The following CACNA1A variants were observed in gnomAD, a reference collection of about 807,000 sequenced individuals.
The protein encoded by CACNA1A is voltage-dependent P/Q-type calcium channel subunit alpha-1A.
CACNA1A carries 57 observed loss-of-function variants against 262.4 expected under a neutral mutation model. The observed-to-expected ratio is 0.22, with a 90% confidence interval of 0.18 to 0.27. CACNA1A has a LOEUF of 0.27. Among genes scored for constraint, CACNA1A ranks in the 10% least tolerant of loss-of-function variants. CACNA1A has a pLI of 1.00. For missense variants in CACNA1A, 2,526 were observed against 3,562.8 expected, an observed-to-expected ratio of 0.71 and a Z score of 7.41; for synonymous variants, 1,431 against 1,419.3, an observed-to-expected ratio of 1.01 and a Z score of -0.18.
intron 5 of CACNA1A, among the ~76,000 whole-genome samples, chr19:13,361,071 C>G (rs981742777): frequency 6.6e-6 from 1 of 152,084 alleles, no homozygotes; most frequent in African/African-American, 2.4e-5. Context: ...TTGTCAAGCG[C>G]ATTGTGTTAT....
chr19:13,378,385 A>G (rs958561380), intron 3 of CACNA1A, among the ~76,000 whole-genome samples: 3 of 152,230 alleles, frequency 2.0e-5, no homozygotes, highest in Admixed American at 6.6e-5. Context: ...AACTGACTCC[A>G]ATTTTGAAAA....
At chr19:13,297,406 T>C (rs1360402139) in intron 19 of CACNA1A, among the ~76,000 whole-genome samples, 1 of 152,192 alleles carries the variant, frequency 6.6e-6, no homozygotes, top group Non-Finnish European at 1.5e-5. Flanking sequence ...TTTCCCCATC[T>C]GTGAAGCCTC....
chr19:13,344,736 T>TTTATTTTATTTA (rs398071148), intron 6 of CACNA1A, among the ~76,000 whole-genome samples: 142 of 136,300 alleles, frequency 1.0e-3, no homozygotes, highest in African/African-American at 2.4e-3. Flanking sequence ...GGATCATTTA[T>TTTATTTTATTTA]TTTATTTATT....
intron 3 of CACNA1A, among the ~76,000 whole-genome samples, chr19:13,430,669 T>C (rs1455148066): frequency 6.6e-6 from 1 of 152,158 alleles, no homozygotes; most frequent in East Asian, 1.9e-4. Flanking sequence ...TTCTAGGCTC[T>C]GGGGGAATAG....
chr19:13,250,011 ATTCAC>A (rs1347313585), intron 30 of CACNA1A, among the ~76,000 whole-genome samples: 1 of 151,632 alleles, frequency 6.6e-6, no homozygotes, highest in African/African-American at 2.4e-5. Context: ...ACCTTCAAGA[ATTCAC>A]TTCACTTCAA....
rs148614583 is a variant in CACNA1A at position 13,225,324 on chromosome 19, C to T, written c.5626-552G>A. The T allele has an allele frequency of 6.2e-3, 968 of 155,530 alleles. 13 individuals carry two copies. Among genetic ancestry groups the T allele is most frequent in the African/African-American group, 0.022 (913 of 41,622 alleles). 9.6% of individuals were successfully genotyped at this position (155,530 alleles called of 1,614,324 possible). On this transcript the variant is annotated intron_variant, in intron 37 of 46. Coordinates refer to ENST00000360228, the MANE Select transcript of CACNA1A (RefSeq NM_001127222.2). The stretch of plus-strand genomic sequence containing the variant: ...CCCCCCACTGACGGGGCAGGCCCCT[C>T]GCAGGCATGCAGCGAGGCTGTGACA...
chr19:13,483,523 C>A (rs751206418), intron 1 of CACNA1A, among the ~76,000 whole-genome samples: 17 of 152,122 alleles, frequency 1.1e-4, no homozygotes, highest in Admixed American at 4.6e-4. Flanking sequence ...CATGAGCACA[C>A]GACCTCAGCA....
rs2054833494 is a variant in CACNA1A at position 13,212,113 on chromosome 19, G to A, written c.6293C>T (p.Ala2098Val). 6.2e-7 allele frequency: 1 copy of A among 1,610,748 alleles called. No individual in the cohort carries two copies. The highest frequency in any genetic ancestry group is 8.5e-7 in the Non-Finnish European group (1 of 1,177,778). The change falls in exon 43 of 47, where the codon GCA becomes GTA. Residue 2098 changes from alanine (A) to valine (V), a missense_variant. By Grantham distance (64) the Ala-to-Val change is moderately conservative. Around this residue, in one of 17 missense-constraint regions of CACNA1A, gnomAD observed 929 missense variants for 868.1 expected, o/e 1.07. Coordinates refer to ENST00000360228, the MANE Select transcript of CACNA1A (RefSeq NM_001127222.2). This position sits in a 1 kb window ranked among gnomAD's most constrained non-coding sequence, Gnocchi z 5.6. ...GGTGAAAGCCCTCACCTGGTTCTCTGCAGGGAGGCGGGGCATGGAGGCAGC... is the reference window on the plus strand; with the variant it reads ...GGTGAAAGCCCTCACCTGGTTCTCTACAGGGAGGCGGGGCATGGAGGCAGC... ...GRAASMPRLP[A>V]ENQRRRGRPR...
intron 6 of CACNA1A, among the ~76,000 whole-genome samples, chr19:13,343,407 A>G (rs1328619090): frequency 6.6e-6 from 1 of 152,090 alleles, no homozygotes; most frequent in Non-Finnish European, 1.5e-5. Flanking sequence ...TACAGGCATG[A>G]GCCACTGCAC....
intron 1 of CACNA1A, among the ~76,000 whole-genome samples, chr19:13,458,145 T>C (rs962783833): frequency 6.6e-6 from 1 of 152,094 alleles, no homozygotes; most frequent in Non-Finnish European, 1.5e-5. Flanking sequence ...TCTCCTTTCT[T>C]TTCTTATTTA....
chr19:13,299,109 C>G lies in CACNA1A; in HGVS notation c.2524G>C (p.Glu842Gln). The G allele has an allele frequency of 1.2e-6, 2 of 1,612,238 alleles. No individual in the cohort carries two copies. Among genetic ancestry groups the G allele is most frequent in the Non-Finnish European group, 1.7e-6 (2 of 1,179,664 alleles). Residue 842 changes from glutamate to glutamine, a missense_variant, in exon 19 of 47, where the codon GAG becomes CAG. Glu to Gln is a conservative substitution (Grantham distance 29, BLOSUM62 2). Transcript: ENST00000360228. Reference protein sequence around the residue: ...NNNTNKSRAAEPTVDQRLGQQ... With the variant: ...NNNTNKSRAAQPTVDQRLGQQ... ...CCGAGGCGCTGGTCCACGGTGGGCT[C>G]GGCCGCCCGGCTCTTGTTGGTGTTG...
intron 19 of CACNA1A, 138 bp downstream of exon 19, chr19:13,298,406 G>A (rs1349615875): frequency 1.3e-6 from 1 of 796,780 alleles, no homozygotes; most frequent in Non-Finnish European, 1.9e-6. Context: ...TGGGATTACA[G>A]GCGTGAGCCA....
In CACNA1A at chr19:13,286,564, G is replaced by A. The variant is rs770295299; in HGVS notation, c.3492C>T (p.Asp1164=). The A allele has an allele frequency of 4.5e-6, 7 of 1,550,250 alleles. No homozygotes were observed. The highest frequency in any genetic ancestry group is 5.2e-6 in the Non-Finnish European group (6 of 1,152,270). ...TNSAKTARKP[D]HTTVDIPPAC... ...CTGGGGGGATGTCCACTGTGGTGTG[G>A]TCGGGTTTCCTGGCAGTCTTAGCTG... The change falls in exon 20 of 47, where the codon GAC becomes GAT. Residue 1164 remains aspartate, a synonymous_variant. Transcript: ENST00000360228.
chr19:13,234,798 A>C, intron 34 of CACNA1A, 123 bp downstream of exon 34: 1 of 707,918 alleles, frequency 1.4e-6, no homozygotes, highest in Non-Finnish European at 2.5e-6. Context: ...CCCTGCCAGA[A>C]GAGAAGGAGG....
chr19:13,400,856 G>A (rs2059888524), intron 3 of CACNA1A, among the ~76,000 whole-genome samples: 1 of 152,108 alleles, frequency 6.6e-6, no homozygotes, highest in Non-Finnish European at 1.5e-5. Context: ...GCAGAGTCTT[G>A]CTCTGTCATT....
chr19:13,466,298 G>A (rs1344036519), intron 1 of CACNA1A, among the ~76,000 whole-genome samples: 1 of 150,846 alleles, frequency 6.6e-6, no homozygotes, highest in Admixed American at 6.6e-5. Flanking sequence ...GACACAGTGA[G>A]GCTCTGTCCT....
At chr19:13,430,098 A>G (rs890074033) in intron 3 of CACNA1A, among the ~76,000 whole-genome samples, 4 of 151,814 alleles carry the variant, frequency 2.6e-5, no homozygotes, top group Non-Finnish European at 5.9e-5. Context: ...AGTTCTGGAG[A>G]TGGATGGCGG....
In CACNA1A at chr19:13,207,461, G is replaced by A. The variant is rs1231643483; in HGVS notation, c.7373C>T (p.Ser2458Leu). 2.7e-6 allele frequency: 4 copies of A among 1,485,694 alleles called. No individual in the cohort carries two copies. Among genetic ancestry groups the A allele is most frequent in the East Asian group, 2.8e-5 (1 of 35,972 alleles). 92.0% of individuals were successfully genotyped at this position (1,485,694 alleles called of 1,614,324 possible). Reference protein sequence around the residue: ...TGRSPRTPRASGPACASPSRH... With the variant: ...TGRSPRTPRALGPACASPSRH... ...AGAAGGCGAGGCGCAGGCCGGGCCC[G>A]AGGCCCGGGGAGTCCTGGGCGAGCG... The change falls in exon 47 of 47, where the codon TCG becomes TTG. Residue 2458 changes from serine (S) to leucine (L), a missense_variant. Physicochemically the swap from Ser to Leu is moderately radical, Grantham distance 145. This residue lies in a region of CACNA1A where 929 missense variants were observed against 868.1 expected (regional missense o/e 1.07). Coordinates refer to ENST00000360228, the MANE Select transcript of CACNA1A (RefSeq NM_001127222.2). The surrounding 1 kb of genome is among the most constrained non-coding windows in gnomAD (Gnocchi z 5.7).
chr19:13,463,261 A>G (rs1215031409), intron 1 of CACNA1A, among the ~76,000 whole-genome samples: 1 of 152,188 alleles, frequency 6.6e-6, no homozygotes, highest in Admixed American at 6.5e-5. Context: ...GTAAAGGCCA[A>G]CCATTGCATG....
Sources: allele counts gnomAD v4.1 joint callset (sites outside exome capture counted in the v4.1 genomes callset), GRCh38; gene constraint gnomAD v4.1.1; regional missense constraint gnomAD v4.1.1; non-coding constraint Gnocchi (gnomAD v3.1); transcripts MANE v1.5; gene names NCBI Gene and HGNC (gene_info 2026-07-23, HGNC 2026-07-21).